ATP6V1A: variants seen among roughly 807,000 people sequenced by gnomAD.
The protein encoded by ATP6V1A is V-type proton ATPase catalytic subunit A.
A neutral mutation model predicts 70.1 loss-of-function variants in ATP6V1A; 18 were observed. The ratio of observed to expected loss-of-function variants is 0.26; its 90% CI spans 0.18 to 0.38. ATP6V1A has a LOEUF of 0.38. ATP6V1A is among the 10% of genes least tolerant of loss of function. ATP6V1A has a pLI of 1.00. For synonymous variants in ATP6V1A, 232 were observed against 253.8 expected, an observed-to-expected ratio of 0.91 and a Z score of 0.82; for missense variants, 424 against 772.4, an observed-to-expected ratio of 0.55 and a Z score of 5.35.
intron 8 of ATP6V1A, 125 bp from the exon 9 acceptor site, chr3:113,794,747 C>A: frequency 8.9e-7 from 1 of 1,117,762 alleles, no homozygotes; most frequent in Non-Finnish European, 1.2e-6. Context: ...GGAAGAGCAG[C>A]TTTGAGGGAG....
chr3:113,803,813 T>G, intron 13 of ATP6V1A, 136 bp downstream of exon 13: 1 of 619,978 alleles, frequency 1.6e-6, no homozygotes, highest in South Asian at 2.3e-5. Context: ...TATTTGTATA[T>G]TTGTAGTAGA....
rs541193287 is a variant in ATP6V1A, at chr3:113,795,195, T to C, written c.1217T>C (p.Ile406Thr). 1 of 1,614,040 alleles carries C rather than the reference T, an allele frequency of 6.2e-7. No individual in the cohort carries two copies. Among genetic ancestry groups the C allele is most frequent in the South Asian group, 1.1e-5 (1 of 91,080 alleles). Residue 406 changes from isoleucine (I) to threonine (T), a missense_variant, in exon 10 of 15, where the codon ATT becomes ACT. Physicochemically the swap from Ile to Thr is moderately conservative, Grantham distance 89. Coordinates refer to ENST00000273398, the MANE Select transcript of ATP6V1A (RefSeq NM_001690.4). The stretch of plus-strand genomic sequence containing the variant: ...CCTGAAAGAGAAGGGAGTGTCAGCA[T>C]TGTAGGAGCGTAAGCACCCACACTA... ...GNPEREGSVS[I>T]VGAVSPPGGD... is the part of the protein sequence containing the mutation.
intron 1 of ATP6V1A, 36 bp from the exon 2 acceptor site, chr3:113,778,705 A>T (rs1577087678): frequency 7.5e-7 from 1 of 1,326,642 alleles, no homozygotes; most frequent in East Asian, 2.7e-5. Context: ...TTTACGGTTT[A>T]TAATTATAAC....
At chr3:113,767,522 C>G (rs1337557915) in intron 1 of ATP6V1A, among the ~76,000 whole-genome samples, 1 of 152,160 alleles carries the variant, frequency 6.6e-6, no homozygotes, top group Non-Finnish European at 1.5e-5. Context: ...ATCCGTACAT[C>G]AGTTTTACCA....
chr3:113,756,965 G>A (rs1027199342), intron 1 of ATP6V1A, among the ~76,000 whole-genome samples: 5 of 152,132 alleles, frequency 3.3e-5, no homozygotes, highest in African/African-American at 9.7e-5. Context: ...ATGAGGTAGC[G>A]AGGAGCTTTA....
At chr3:113,758,560 AGTTT>A (rs975643396) in intron 1 of ATP6V1A, among the ~76,000 whole-genome samples, 3 of 152,156 alleles carry the variant, frequency 2.0e-5, no homozygotes, top group Non-Finnish European at 4.4e-5. Flanking sequence ...GATATACCAT[AGTTT>A]GTTTATCCAT....
intron 14 of ATP6V1A, among the ~76,000 whole-genome samples, chr3:113,808,287 CTTTTTTTTTTTT>C (rs748064694): frequency 3.3e-5 from 3 of 89,814 alleles, no homozygotes; most frequent in East Asian, 4.0e-4. Flanking sequence ...AAGTCTGTCT[CTTTTTTTTTTTT>C]TTTTTTTTTC....
At chr3:113,806,294 A>G (rs542657841) in intron 14 of ATP6V1A, among the ~76,000 whole-genome samples, 5 of 152,234 alleles carry the variant, frequency 3.3e-5, no homozygotes, top group African/African-American at 1.2e-4. Context: ...ATAAATGCTG[A>G]TGTGTATTCC....
intron 1 of ATP6V1A, among the ~76,000 whole-genome samples, chr3:113,747,835 T>C (rs1370817720): frequency 2.0e-5 from 3 of 152,112 alleles, no homozygotes; most frequent in Admixed American, 6.6e-5. Flanking sequence ...AAGATGGTAT[T>C]GTGGTGTTGT....
chr3:113,755,801 T>G (rs192471119), intron 1 of ATP6V1A, among the ~76,000 whole-genome samples: 12 of 152,342 alleles, frequency 7.9e-5, no homozygotes, highest in Admixed American at 3.9e-4. Context: ...CCCCTCATCC[T>G]TATTCTTTTC....
intron 1 of ATP6V1A, among the ~76,000 whole-genome samples, chr3:113,764,635 C>T (rs545089335): frequency 6.6e-6 from 1 of 152,216 alleles, no homozygotes; most frequent in African/African-American, 2.4e-5. Flanking sequence ...GTAAGTTAAG[C>T]TTTAAATCAA....
intron 8 of ATP6V1A, among the ~76,000 whole-genome samples, chr3:113,794,095 C>T (rs1324670885): frequency 1.3e-5 from 2 of 152,138 alleles, no homozygotes; most frequent in Admixed American, 1.3e-4. Flanking sequence ...ACCCAACACT[C>T]GTTTCTGTAT....
chr3:113,770,898 G>C (rs1359801383), intron 1 of ATP6V1A, among the ~76,000 whole-genome samples: 1 of 151,896 alleles, frequency 6.6e-6, no homozygotes, highest in East Asian at 1.9e-4. Context: ...TTCAAGACCA[G>C]CCTGGCCAAT....
At chr3:113,777,285 A>G (rs1460849026) in intron 1 of ATP6V1A, among the ~76,000 whole-genome samples, 2 of 152,254 alleles carry the variant, frequency 1.3e-5, no homozygotes, top group East Asian at 3.8e-4. Flanking sequence ...AAAAAAGGAA[A>G]AACACTCATA....
chr3:113,750,561 T>C (rs911263242), intron 1 of ATP6V1A, among the ~76,000 whole-genome samples: 1 of 152,180 alleles, frequency 6.6e-6, no homozygotes, highest in African/African-American at 2.4e-5. Context: ...TTTACATGAA[T>C]TGATTTCCCA....
intron 10 of ATP6V1A, among the ~76,000 whole-genome samples, chr3:113,795,669 GT>G (rs1709146035): frequency 6.6e-6 from 1 of 151,712 alleles, no homozygotes; most frequent in Admixed American, 6.6e-5. Context: ...AGTTTCTATT[GT>G]TGTTTACAAC....
chr3:113,754,088 T>C (rs1708620379), intron 1 of ATP6V1A, among the ~76,000 whole-genome samples: 1 of 152,214 alleles, frequency 6.6e-6, no homozygotes, highest in Non-Finnish European at 1.5e-5. Flanking sequence ...TAGTAACATA[T>C]TTATATAAAA....
At chr3:113,775,517 A>G (rs1198753155) in intron 1 of ATP6V1A, among the ~76,000 whole-genome samples, 3 of 152,224 alleles carry the variant, frequency 2.0e-5, no homozygotes, top group Admixed American at 6.5e-5. Context: ...GGCATGAGCC[A>G]CTGCACCCAG....
intron 2 of ATP6V1A, among the ~76,000 whole-genome samples, chr3:113,780,253 C>T (rs1287129976): frequency 6.6e-6 from 1 of 152,118 alleles, no homozygotes; most frequent in African/African-American, 2.4e-5. Context: ...TGAAGTATTA[C>T]CTATAACATA....
Sources: gnomAD v4.1 joint callset for allele counts (sites outside exome capture counted in the v4.1 genomes callset) on GRCh38, gnomAD v4.1.1 for gene constraint, MANE v1.5 for transcripts, NCBI Gene and HGNC (gene_info 2026-07-23, HGNC 2026-07-21) for gene names.